ZDHHC6: variants seen among roughly 807,000 people sequenced by gnomAD.
ZDHHC6 encodes zDHHC palmitoyltransferase 6, also known as palmitoyltransferase ZDHHC6.
Under a neutral mutation model 57.8 loss-of-function variants are expected in ZDHHC6, and 32 were observed. That is an observed-to-expected ratio of 0.55 (90% CI 0.42 to 0.74). ZDHHC6 has a LOEUF of 0.74. Among genes scored for constraint, ZDHHC6 ranks in the 30% least tolerant of loss-of-function variants. ZDHHC6 has a pLI of 0.00. For missense variants in ZDHHC6, 433 were observed against 500.7 expected (o/e 0.86, Z 1.29); for synonymous variants, 128 against 158.0 (o/e 0.81, Z 1.42).
intron 4 of ZDHHC6, 103 bp from the exon 5 acceptor site, chr10:112,440,798 G>A (rs1325150872): frequency 9.7e-7 from 1 of 1,030,392 alleles, no homozygotes; most frequent in Admixed American, 3.0e-5. Context: ...ATAACAACGT[G>A]GCCCTGTGGC....
exon 12 of ZDHHC6, chr10:112,425,242 C>T: frequency 2.6e-6 from 3 of 1,171,214 alleles, no homozygotes; most frequent in Non-Finnish European, 3.6e-6. Context: ...GAGAAATCAG[C>T]TTTAGAGAAG....
chr10:112,447,278 C>T, upstream of ZDHHC6: 2 of 1,372,224 alleles, frequency 1.5e-6, no homozygotes, highest in Non-Finnish European at 2.0e-6. Flanking sequence ...CTCGGGGGCA[C>T]CTTCCGGGGT....
At chr10:112,440,414 GAAA>G in intron 5 of ZDHHC6, 117 bp downstream of exon 5, 1 of 1,161,496 alleles carries the variant, frequency 8.6e-7, no homozygotes. Flanking sequence ...TTACCTAAAT[GAAA>G]TAAGCAAAAA....
At chr10:112,426,214 A>G, downstream of ZDHHC6, 2 of 1,513,936 alleles carry the variant, frequency 1.3e-6, no homozygotes, top group Non-Finnish European at 1.8e-6. Flanking sequence ...ACATCCCTAC[A>G]TAACTTCTCT....
In ZDHHC6 at chr10:112,432,377, G is replaced by A. The variant is rs763995052; in HGVS notation, c.1090C>T (p.Arg364Ter). ...AATGCAGTACTTCCTATTACTTACC[G>A]TAAACCTCTTGTGGCTAAAATGAAT... ...GEFILATRGL[R>*]YWLYGDKILD... Residue 364 changes from arginine to a stop codon, truncating the protein, a stop_gained and splice_region_variant, in exon 9 of 11, where the codon CGA becomes TGA. Coordinates refer to ENST00000369405, the MANE Select transcript of ZDHHC6 (RefSeq NM_022494.3). LOFTEE classifies it high-confidence loss of function. The A allele has an allele frequency of 5.6e-6, 9 of 1,613,862 alleles. No individual in the cohort carries two copies. The highest frequency in any genetic ancestry group is 4.5e-5 in the East Asian group (2 of 44,886).
chr10:112,435,836 T>A (rs973056307), intron 6 of ZDHHC6, among the ~76,000 whole-genome samples: 1 of 152,198 alleles, frequency 6.6e-6, no homozygotes, highest in Non-Finnish European at 1.5e-5. Flanking sequence ...GACTAAGACA[T>A]GTCTTTGCCT....
intron 5 of ZDHHC6, 103 bp from the exon 6 acceptor site, chr10:112,438,492 G>C (rs762716412): frequency 1.1e-6 from 1 of 919,900 alleles, no homozygotes; most frequent in Non-Finnish European, 1.5e-6. Flanking sequence ...CCATTCCATA[G>C]ACAAAGATAC....
At chr10:112,427,450 C>CTATT, downstream of ZDHHC6, 1 of 1,305,806 alleles carries the variant, frequency 7.7e-7, no homozygotes, top group Non-Finnish European at 1.0e-6. Flanking sequence ...GCCTTTCCTC[C>CTATT]TATTTTTTTT....
At chr10:112,427,552 C>A, downstream of ZDHHC6, 1 of 446,688 alleles carries the variant, frequency 2.2e-6, no homozygotes, top group Non-Finnish European at 3.8e-6. Flanking sequence ...TCCTGTCTTT[C>A]CCATCTTCGA....
rs1222977319 is a variant in ZDHHC6 at position 112,443,620 on chromosome 10, C to A, written c.268-14G>T. The A allele has an allele frequency of 6.2e-7, 1 of 1,602,694 alleles. No individual in the cohort carries two copies. The highest frequency in any genetic ancestry group is 8.5e-7 in the Non-Finnish European group (1 of 1,172,244). ...CTGAGAAATTTCCTTGGCAGCAAAA[C>A]AGAAACAAAAATGCATCATCGGATA... is the stretch of plus-strand genomic sequence containing the variant. On this transcript the variant is annotated splice_polypyrimidine_tract_variant and intron_variant, in intron 2 of 10. Transcript: ENST00000369405.
At chr10:112,447,367 A>C, upstream of ZDHHC6, 1 of 1,612,544 alleles carries the variant, frequency 6.2e-7, no homozygotes, top group Non-Finnish European at 8.5e-7. Context: ...CTCGTTCCGG[A>C]GCCGCCATGT....
chr10:112,425,352 G>A (rs1265118251), downstream of ZDHHC6: 1 of 1,612,390 alleles, frequency 6.2e-7, no homozygotes, highest in African/African-American at 1.3e-5. Flanking sequence ...GAACTCTGAA[G>A]ATCATCGACC....
exon 12 of ZDHHC6, chr10:112,425,277 C>T (rs1844623385): frequency 6.9e-7 from 1 of 1,445,604 alleles, no homozygotes. Flanking sequence ...CTTCACCACT[C>T]TCCCCACTGA....
chr10:112,445,024 C>A (rs1272351340), intron 2 of ZDHHC6, 146 bp downstream of exon 2: 12 of 935,942 alleles, frequency 1.3e-5, no homozygotes, highest in Non-Finnish European at 1.9e-5. Flanking sequence ...AGTCTCCGAG[C>A]CTAAATGATC....
chr10:112,431,014 T>G, intron 10 of ZDHHC6, 107 bp from the exon 11 acceptor site: 1 of 874,684 alleles, frequency 1.1e-6, no homozygotes, highest in Non-Finnish European at 1.8e-6. Flanking sequence ...TAGTTAGACT[T>G]TTATTCCCCA....
At chr10:112,440,789 TAAC>T in intron 4 of ZDHHC6, 94 bp from the exon 5 acceptor site, 1 of 1,261,270 alleles carries the variant, frequency 7.9e-7, no homozygotes, top group Non-Finnish European at 1.1e-6. Context: ...ATCAAAGAGA[TAAC>T]AACGTGGCCC....
At chr10:112,427,422 TA>T, downstream of ZDHHC6, 2 of 1,443,868 alleles carry the variant, frequency 1.4e-6, no homozygotes, top group South Asian at 1.5e-5. Context: ...GATTAAAAAC[TA>T]TTCTTACATT....
chr10:112,447,125 G>A, upstream of ZDHHC6: 1 of 510,208 alleles, frequency 2.0e-6, no homozygotes, highest in East Asian at 3.1e-5. Flanking sequence ...TAATTGGGGC[G>A]CTTTTCCTTT....
chr10:112,427,706 T>A (rs1381861521), downstream of ZDHHC6: 2 of 165,358 alleles, frequency 1.2e-5, no homozygotes, highest in East Asian at 3.3e-4. Context: ...GGACCCTCTG[T>A]GCCTTCTTCT....
Sources: gnomAD v4.1 joint callset for allele counts (sites outside exome capture counted in the v4.1 genomes callset) on GRCh38, gnomAD v4.1.1 for gene constraint, MANE v1.5 for transcripts, NCBI Gene and HGNC (gene_info 2026-07-23, HGNC 2026-07-21) for gene names.